DNAH11: variants seen among roughly 807,000 people sequenced by gnomAD.
The protein encoded by DNAH11 is axonemal beta dynein heavy chain 11.
A neutral mutation model predicts 526.0 loss-of-function variants in DNAH11; 442 were observed. The ratio of observed to expected loss-of-function variants is 0.84; its 90% CI spans 0.78 to 0.91. The LOEUF (loss-of-function observed/expected upper bound fraction) is 0.91. Among genes scored for constraint, DNAH11 ranks in the 40% least tolerant of loss-of-function variants. The probability of loss-of-function intolerance (pLI) is 0.00; values close to 1 mark genes in which losing one functional copy is unlikely to be tolerated. For synonymous variants in DNAH11, 2,461 were observed against 1,935.9 expected, an observed-to-expected ratio of 1.27 and a Z score of -7.12; for missense variants, 6,989 against 5,448.7, an observed-to-expected ratio of 1.28 and a Z score of -8.90.
chr7:21,783,415 G>A (rs990227657), intron 57 of DNAH11, among the ~76,000 whole-genome samples: 2 of 152,162 alleles, frequency 1.3e-5, no homozygotes, highest in Admixed American at 6.5e-5. Context: ...TAATTTTATG[G>A]TATAGTTAAA....
At chr7:21,551,805 C>T (rs1324064040) in intron 2 of DNAH11, among the ~76,000 whole-genome samples, 2 of 152,122 alleles carry the variant, frequency 1.3e-5, no homozygotes, top group African/African-American at 2.4e-5. Context: ...CTCTCTTTTT[C>T]TCCTCTCCTT....
At position 21,867,841 on chromosome 7, in the gene DNAH11, T is replaced by G; in HGVS notation, c.11691-18T>G. 1 of 1,384,138 alleles carries G rather than the reference T, an allele frequency of 7.2e-7. No individual in the cohort carries two copies. Among genetic ancestry groups the G allele is most frequent in the East Asian group, 2.5e-5 (1 of 40,484 alleles). The allele number at this position is 1,384,138 out of a possible 1,614,324, so 85.7% of individuals were successfully genotyped here. A position where few individuals can be genotyped will look rare whatever the true frequency, so the allele number is the denominator to read the frequency against. On this transcript the variant is annotated intron_variant, in intron 71 of 81. Transcript: ENST00000409508. ...GTCAAAACCACTGATCATGTTTTTA[T>G]ATTCTTGTTTTTTATAGAAATTTTG...
rs5008148 is a variant in DNAH11 at position 21,564,060 on chromosome 7, A to G, written c.983-126A>G. 0.28 allele frequency: 168,218 copies of G among 608,588 alleles called. 25,625 individuals are homozygous for G. The highest frequency in any genetic ancestry group is 0.57 in the East Asian group (19,927 of 35,048). The allele number at this position is 608,588 out of a possible 1,614,324, so 37.7% of individuals were successfully genotyped here. A position where few individuals can be genotyped will look rare whatever the true frequency, so the allele number is the denominator to read the frequency against. ...TAGATTGTAGGATAAGTAATATAAA[A>G]GGAACTATGACAACATTTAAGTGTG... On this transcript the variant is annotated intron_variant, in intron 5 of 81. Transcript: ENST00000409508.
rs1278383827 is a variant in DNAH11 at position 21,588,514 on chromosome 7, T to G, written c.1851T>G (p.Ile617Met). 1 of 1,613,486 alleles carries G rather than the reference T, an allele frequency of 6.2e-7. No individual in the cohort carries two copies. The highest frequency in any genetic ancestry group is 8.5e-7 in the Non-Finnish European group (1 of 1,179,550). ...TTCACCAAAATATCAACTTGCAGATTGAATGTGGTCATGTAGTTCTTAACA... is the reference window on the plus strand; with the variant it reads ...TTCACCAAAATATCAACTTGCAGATGGAATGTGGTCATGTAGTTCTTAACA... Reference protein sequence around the residue: ...KQLYNEHMKQIECGHVVLNKN... With the variant: ...KQLYNEHMKQMECGHVVLNKN... The change falls in exon 11 of 82, where the codon ATT becomes ATG. Residue 617 changes from isoleucine (I) to methionine (M), a missense_variant and splice_region_variant. By Grantham distance (10) the Ile-to-Met change is conservative. Coordinates refer to ENST00000409508, the MANE Select transcript of DNAH11 (RefSeq NM_001277115.2).
At chr7:21,633,826 A>T (rs1449676247) in intron 25 of DNAH11, among the ~76,000 whole-genome samples, 5 of 152,196 alleles carry the variant, frequency 3.3e-5, no homozygotes, top group African/African-American at 1.2e-4. Flanking sequence ...TTCTTCAAAA[A>T]ATGGCAGTCA....
chr7:21,787,236 C>G (rs1033177760), intron 59 of DNAH11, among the ~76,000 whole-genome samples, 165 bp from the exon 60 acceptor site: 14 of 152,192 alleles, frequency 9.2e-5, no homozygotes, highest in Non-Finnish European at 2.9e-5. Context: ...ATTGCTAATT[C>G]TGACTTCGTA....
chr7:21,617,511 A>C, intron 22 of DNAH11, 108 bp from the exon 23 acceptor site: 1 of 1,294,334 alleles, frequency 7.7e-7, no homozygotes, highest in Non-Finnish European at 1.1e-6. Flanking sequence ...AAATGCTTTC[A>C]CTCTTTTCTA....
chr7:21,773,988 A>T lies in DNAH11; in HGVS notation c.9325A>T (p.Thr3109Ser), dbSNP rs202139668. The T allele has an allele frequency of 7.7e-5, 120 of 1,563,934 alleles. No homozygotes were observed. Among genetic ancestry groups the T allele is most frequent in the Non-Finnish European group, 9.6e-5 (111 of 1,155,286 alleles). ...GAACGGCATCCAAAAGCTAAAAACC[A>T]CAGCCTCTCAGGTATGACCAGGATG... ...LVNGIQKLKT[T>S]ASQVGDLKAR... Residue 3109 changes from threonine to serine, a missense_variant, in exon 56 of 82, where the codon ACA (threonine) becomes TCA (serine). By Grantham distance (58) the Thr-to-Ser change is moderately conservative. Coordinates refer to ENST00000409508, the MANE Select transcript of DNAH11 (RefSeq NM_001277115.2).
chr7:21,789,197 A>C (rs1275163420), intron 60 of DNAH11, 44 bp from the exon 61 acceptor site: 1 of 1,365,128 alleles, frequency 7.3e-7, no homozygotes, highest in South Asian at 1.3e-5. Context: ...GGATTGAATG[A>C]TTACTTATCC....
chr7:21,601,406 C>T lies in DNAH11; in HGVS notation c.3436C>T (p.Leu1146=). 6.2e-7 allele frequency: 1 copy of T among 1,611,736 alleles called. No homozygotes were observed. The highest frequency in any genetic ancestry group is 8.5e-7 in the Non-Finnish European group (1 of 1,178,858). The change falls in exon 18 of 82, where the codon CTA becomes TTA. Residue 1146 remains leucine (L), a synonymous_variant. Coordinates refer to ENST00000409508, the MANE Select transcript of DNAH11 (RefSeq NM_001277115.2). ...LRFVIDSLNE[L]QEFIKETDSG... ...ATATATATTTAATAGTCTGAATGAGCTACAAGAATTTATAAAGGAGACAGA... is the reference window on the plus strand; with the variant it reads ...ATATATATTTAATAGTCTGAATGAGTTACAAGAATTTATAAAGGAGACAGA...
chr7:21,822,415 G>C (rs948222029), intron 65 of DNAH11, among the ~76,000 whole-genome samples: 1 of 152,132 alleles, frequency 6.6e-6, no homozygotes, highest in Non-Finnish European at 1.5e-5. Flanking sequence ...ATTCATGAGA[G>C]ATCTGCCCCC....
intron 6 of DNAH11, among the ~76,000 whole-genome samples, chr7:21,565,288 G>A (rs1018032064): frequency 8.6e-5 from 13 of 152,002 alleles, no homozygotes; most frequent in Admixed American, 3.9e-4. Context: ...AGGTCCTGTC[G>A]GATTAAGGCC....
intron 66 of DNAH11, among the ~76,000 whole-genome samples, chr7:21,849,908 T>C (rs1782557559): frequency 6.6e-6 from 1 of 152,176 alleles, no homozygotes. Flanking sequence ...TTTCTTCTGC[T>C]CATTTTTTTC....
chr7:21,854,500 A>G, intron 68 of DNAH11, 45 bp downstream of exon 68: 1 of 1,571,852 alleles, frequency 6.4e-7, no homozygotes, highest in Non-Finnish European at 8.6e-7. Flanking sequence ...TTAGGAGTTC[A>G]ATTTGTTTCT....
chr7:21,765,657 C>G, intron 55 of DNAH11, 68 bp downstream of exon 55: 4 of 1,282,936 alleles, frequency 3.1e-6, no homozygotes, highest in Non-Finnish European at 4.1e-6. Context: ...CACACACACA[C>G]ACTCTGAAAA....
At chr7:21,792,160 T>C in intron 61 of DNAH11, among the ~76,000 whole-genome samples, 1 of 152,192 alleles carries the variant, frequency 6.6e-6, no homozygotes, top group Admixed American at 6.5e-5. Context: ...TTTTTTAGCA[T>C]CTATTAAAAT....
chr7:21,591,361 G>A lies in DNAH11; in HGVS notation c.2451G>A (p.Arg817=). ...GCTGGGGCTACATCGAGAGGGTGAGGGCAGCCACGTCCGAGTTGGAGCACA... is the reference window on the plus strand; with the variant it reads ...GCTGGGGCTACATCGAGAGGGTGAGAGCAGCCACGTCCGAGTTGGAGCACA... ...DDCWGYIERV[R]AATSELEHRV... is the part of the protein sequence containing the mutation. Residue 817 remains arginine (R), a synonymous_variant, in exon 14 of 82, where the codon AGG becomes AGA. Coordinates refer to ENST00000409508, the MANE Select transcript of DNAH11 (RefSeq NM_001277115.2). 1.2e-6 allele frequency: 2 copies of A among 1,613,740 alleles called. No homozygotes were observed. Among genetic ancestry groups the A allele is most frequent in the East Asian group, 2.2e-5 (1 of 44,848 alleles).
At chr7:21,627,633 C>A (rs149713243) in intron 25 of DNAH11, among the ~76,000 whole-genome samples, 1 of 152,220 alleles carries the variant, frequency 6.6e-6, no homozygotes, top group African/African-American at 2.4e-5. Flanking sequence ...TTCCATTGGT[C>A]TCTGTGTCTG....
At chr7:21,639,294 G>C (rs1404281609) in intron 28 of DNAH11, among the ~76,000 whole-genome samples, 1 of 152,182 alleles carries the variant, frequency 6.6e-6, no homozygotes, top group African/African-American at 2.4e-5. Context: ...AGTGTGTAAG[G>C]CTTACAGTGC....
Sources: gnomAD v4.1 joint callset for allele counts (sites outside exome capture counted in the v4.1 genomes callset) on GRCh38, gnomAD v4.1.1 for gene constraint, MANE v1.5 for transcripts, NCBI Gene and HGNC (gene_info 2026-07-23, HGNC 2026-07-21) for gene names.